The following NWD2 variants were observed in gnomAD, a reference collection of about 807,000 sequenced individuals.
NWD2 encodes the protein NACHT and WD repeat domain containing 2.
NWD2 carries 37 observed loss-of-function variants against 132.7 expected under a neutral mutation model. That is an observed-to-expected ratio of 0.28 (90% CI 0.21 to 0.37). NWD2 has a LOEUF of 0.37. NWD2 is among the 10% of genes least tolerant of loss of function. NWD2 has a pLI of 1.00. For synonymous variants in NWD2, 705 were observed against 803.0 expected (o/e 0.88, Z 2.06); for missense variants, 1,592 against 2,122.4 (o/e 0.75, Z 4.91).
chr4:37,338,094 T>C (rs1719446136), intron 2 of NWD2, among the ~76,000 whole-genome samples: 1 of 152,238 alleles, frequency 6.6e-6, no homozygotes, highest in South Asian at 2.1e-4. Flanking sequence ...TCCCTACCTG[T>C]GGTGTTTATG....
chr4:37,435,005 T>C (rs534576473), intron 5 of NWD2, among the ~76,000 whole-genome samples: 1 of 152,250 alleles, frequency 6.6e-6, no homozygotes, highest in East Asian at 1.9e-4. Context: ...CACCCAGTTA[T>C]TCAGGTATAC....
intron 1 of NWD2, among the ~76,000 whole-genome samples, chr4:37,265,903 G>T (rs781327464): frequency 2.6e-5 from 4 of 151,928 alleles, no homozygotes; most frequent in Non-Finnish European, 4.4e-5. Flanking sequence ...CTTTCAGGGG[G>T]CCATTATTTA....
chr4:37,256,597 T>C (rs1056047559), intron 1 of NWD2, among the ~76,000 whole-genome samples: 20 of 152,172 alleles, frequency 1.3e-4, no homozygotes, highest in African/African-American at 4.3e-4. Flanking sequence ...TAACCACAGT[T>C]ATCAAATGCT....
intron 3 of NWD2, among the ~76,000 whole-genome samples, chr4:37,361,521 G>A (rs2109302414): frequency 6.6e-6 from 1 of 152,268 alleles, no homozygotes; most frequent in African/African-American, 2.4e-5. Flanking sequence ...GGGATGCAAG[G>A]TTGGTTCAAC....
At chr4:37,331,952 C>T (rs1719301718) in intron 2 of NWD2, among the ~76,000 whole-genome samples, 1 of 152,178 alleles carries the variant, frequency 6.6e-6, no homozygotes, top group Non-Finnish European at 1.5e-5. Flanking sequence ...CAACATTGGG[C>T]AGAAATGAGC....
At chr4:37,279,701 T>C (rs940634267) in intron 1 of NWD2, among the ~76,000 whole-genome samples, 1 of 152,222 alleles carries the variant, frequency 6.6e-6, no homozygotes, top group Non-Finnish European at 1.5e-5. Context: ...ATGCAGATTA[T>C]ATTATCACCT....
chr4:37,290,484 G>A (rs1437756135), intron 1 of NWD2, among the ~76,000 whole-genome samples: 2 of 152,170 alleles, frequency 1.3e-5, no homozygotes, highest in Admixed American at 1.3e-4. Context: ...TGTTATGGGA[G>A]TGTATTTGAG....
intron 1 of NWD2, among the ~76,000 whole-genome samples, chr4:37,289,176 T>C (rs1207540690): frequency 6.6e-6 from 1 of 152,192 alleles, no homozygotes; most frequent in African/African-American, 2.4e-5. Flanking sequence ...CTAAATAGTG[T>C]TGGATTTTTT....
At chr4:37,276,219 C>G (rs540909756) in intron 1 of NWD2, among the ~76,000 whole-genome samples, 2 of 152,094 alleles carry the variant, frequency 1.3e-5, no homozygotes, top group Non-Finnish European at 2.9e-5. Context: ...GGGCTAATAT[C>G]CAGAATCTAC....
chr4:37,288,566 A>G (rs1012064478), intron 1 of NWD2, among the ~76,000 whole-genome samples: 4 of 152,240 alleles, frequency 2.6e-5, no homozygotes, highest in Non-Finnish European at 5.9e-5. Flanking sequence ...TAATTTATGT[A>G]TTAATATCTC....
At position 37,395,361 on chromosome 4, in the gene NWD2, C is replaced by T. The variant is rs115599739; in HGVS notation, c.358-35211C>T. On this transcript the variant is annotated intron_variant, in intron 3 of 6. Transcript: ENST00000309447. ...TTGGGGTTTGTTTTCCTTTTTGCAT[C>T]GCTGCCTATAAATGTGCTTTGCTGA... 9.3e-3 allele frequency among the ~76,000 whole-genome samples: 1,407 copies of T among 151,698 alleles called. 28 individuals carry two copies. Among genetic ancestry groups the T allele is most frequent in the African/African-American group, 0.032 (1,324 of 41,324 alleles).
intron 1 of NWD2, among the ~76,000 whole-genome samples, chr4:37,298,001 A>C (rs1718533858): frequency 6.6e-6 from 1 of 152,178 alleles, no homozygotes; most frequent in Non-Finnish European, 1.5e-5. Context: ...TGGCCACTGC[A>C]ACACGCCACA....
At chr4:37,303,987 T>C (rs763162060) in intron 1 of NWD2, among the ~76,000 whole-genome samples, 3 of 152,210 alleles carry the variant, frequency 2.0e-5, no homozygotes, top group Non-Finnish European at 4.4e-5. Flanking sequence ...ATAAGAGTTC[T>C]GAAAGTAGGC....
Position 37,447,486 on chromosome 4 carries a change from T to C in NWD2, c.*269T>C, listed in dbSNP as rs1712671323. 4 of 462,026 alleles carry C rather than the reference T, an allele frequency of 8.7e-6. No individual in the cohort carries two copies. Among genetic ancestry groups the C allele is most frequent in the Non-Finnish European group, 1.6e-5 (4 of 255,358 alleles). The allele number at this position is 462,026 out of a possible 1,614,324, so 28.6% of individuals were successfully genotyped here. On this transcript the variant is annotated 3_prime_UTR_variant, in exon 7 of 7. Coordinates refer to ENST00000309447, the MANE Select transcript of NWD2 (RefSeq NM_001144990.2). ...AGAGGCTAAAAGTTTTTAAATTAGC[T>C]GTGTGGTGAGGCAGCATAATACATC...
At chr4:37,340,681 T>A (rs111545887) in intron 2 of NWD2, among the ~76,000 whole-genome samples, 2 of 152,088 alleles carry the variant, frequency 1.3e-5, no homozygotes, top group African/African-American at 4.8e-5. Context: ...CAGTGGGAGA[T>A]GGCTAGGTTA....
chr4:37,306,732 A>C (rs1718714838), intron 1 of NWD2, among the ~76,000 whole-genome samples: 1 of 152,120 alleles, frequency 6.6e-6, no homozygotes, highest in South Asian at 2.1e-4. Context: ...TATCCTAAAG[A>C]ATGTTCTGGG....
Position 37,449,295 on chromosome 4 carries a change from A to C in NWD2, c.*2078A>C, listed in dbSNP as rs1712724961. The C allele has an allele frequency of 6.6e-6, 1 of 152,146 alleles. No individual in the cohort carries two copies. The highest frequency in any genetic ancestry group is 2.1e-4 in the South Asian group (1 of 4,826). 9.4% of individuals were successfully genotyped at this position (152,146 alleles called of 1,614,324 possible). Reference sequence around the variant, plus strand: ...GCTCATATTGAATGTTTTTATGTAAACTTTGTATCGTTGGGAAGAATTACC... The same window carrying C: ...GCTCATATTGAATGTTTTTATGTAACCTTTGTATCGTTGGGAAGAATTACC... On this transcript the variant is annotated 3_prime_UTR_variant, in exon 7 of 7. Transcript: ENST00000309447.
At chr4:37,426,867 C>T (rs1238995302) in intron 3 of NWD2, among the ~76,000 whole-genome samples, 1 of 152,108 alleles carries the variant, frequency 6.6e-6, no homozygotes, top group Non-Finnish European at 1.5e-5. Context: ...TGACTGAATC[C>T]TAGTCTCTAA....
intron 2 of NWD2, among the ~76,000 whole-genome samples, chr4:37,351,817 TG>T (rs2109299054): frequency 6.6e-6 from 1 of 152,352 alleles, no homozygotes; most frequent in East Asian, 1.9e-4. Context: ...GGCATTTTAG[TG>T]CTATAAATTT....
Sources: allele counts gnomAD v4.1 joint callset (sites outside exome capture counted in the v4.1 genomes callset), GRCh38; gene constraint gnomAD v4.1.1; transcripts MANE v1.5; gene names NCBI Gene and HGNC (gene_info 2026-07-23, HGNC 2026-07-21).